Variants in PRDM10 observed in about 807,000 individuals in gnomAD.
PRDM10 encodes PR/SET domain 10.
A neutral mutation model predicts 133.1 loss-of-function variants in PRDM10; 65 were observed. That is an observed-to-expected ratio of 0.49 (90% CI 0.40 to 0.60). The LOEUF (loss-of-function observed/expected upper bound fraction) is 0.60. PRDM10 is among the 20% of genes least tolerant of loss of function. The pLI is 0.00. For synonymous variants in PRDM10, 582 were observed against 580.4 expected (o/e 1.00, Z -0.04); for missense variants, 1,137 against 1,507.1 (o/e 0.75, Z 4.07).
At chr11:129,941,552 A>G (rs1419748158) in intron 7 of PRDM10, among the ~76,000 whole-genome samples, 1 of 152,224 alleles carries the variant, frequency 6.6e-6, no homozygotes, top group African/African-American at 2.4e-5. Flanking sequence ...CGTCACAGAT[A>G]TACACGCGTT....
At chr11:129,914,503 C>G in intron 17 of PRDM10, 1 of 748,902 alleles carries the variant, frequency 1.3e-6, no homozygotes, top group Non-Finnish European at 2.3e-6. Flanking sequence ...AATTTCCTGA[C>G]TACTATAGAC....
chr11:129,914,857 G>T lies in PRDM10; in HGVS notation c.2688C>A (p.Thr896=). 1 of 1,614,112 alleles carries T rather than the reference G, an allele frequency of 6.2e-7. No homozygotes were observed. Among genetic ancestry groups the T allele is most frequent in the Non-Finnish European group, 8.5e-7 (1 of 1,180,012 alleles). ...GETVVTTDLL[T]QAMTELSQTL... The stretch of plus-strand genomic sequence containing the variant: ...TCTGGGACAGTTCTGTCATTGCTTG[G>T]GTGAGCAGGTCCGTCGTCACCACAG... The change falls in exon 17 of 21, where the codon ACC becomes ACA. Residue 896 remains threonine, a synonymous_variant. Coordinates refer to ENST00000360871, the MANE Select transcript of PRDM10 (RefSeq NM_199437.2).
In PRDM10 at chr11:129,954,270, T is replaced by A. The variant is rs867934929; in HGVS notation, c.294+1242A>T. ...AAATTTTAATTTAATTTATTTATTT[T>A]TTTTTTTTTTGAGATGGAGTCTTGC... On this transcript the variant is annotated intron_variant, in intron 4 of 20. Coordinates refer to ENST00000360871, the MANE Select transcript of PRDM10 (RefSeq NM_199437.2). Among the ~76,000 whole-genome samples the A allele has an allele frequency of 9.4e-4, 142 of 151,034 alleles. 1 individual carries two copies. The highest frequency in any genetic ancestry group is 3.4e-3 in the Middle Eastern group (1 of 292).
At chr11:129,971,999 G>A (rs920373436) in intron 1 of PRDM10, among the ~76,000 whole-genome samples, 3 of 152,228 alleles carry the variant, frequency 2.0e-5, no homozygotes, top group African/African-American at 4.8e-5. Context: ...GCTAAGGCCC[G>A]GTGAGAAATC....
At chr11:129,976,524 G>T (rs577488094) in intron 1 of PRDM10, among the ~76,000 whole-genome samples, 20 of 152,312 alleles carry the variant, frequency 1.3e-4, no homozygotes, top group African/African-American at 4.8e-4. Context: ...TAAAACTTAT[G>T]TTCAGAAAAG....
intron 2 of PRDM10, among the ~76,000 whole-genome samples, chr11:129,959,929 T>C (rs1320014069): frequency 1.3e-5 from 2 of 151,322 alleles, no homozygotes; most frequent in African/African-American, 4.9e-5. Flanking sequence ...ATTTTTCTTT[T>C]TTTTTTTTTT....
chr11:129,944,711 G>A, intron 6 of PRDM10, 60 bp downstream of exon 6: 2 of 1,582,050 alleles, frequency 1.3e-6, no homozygotes, highest in Non-Finnish European at 1.7e-6. Flanking sequence ...AGTAGACAAC[G>A]CAGTGCTCCT....
rs1033144466 is a variant in PRDM10, at chr11:129,947,354, T to C, written c.311A>G (p.His104Arg). ...ATAQQASLPVHNQVLPSIESV... is the reference protein window; with the variant it reads ...ATAQQASLPVRNQVLPSIESV... ...CTCGATGGAAGGCAGCACCTGGTTATGAACTGGCAATGAGGCCTGGGCAAA... is the reference window on the plus strand; with the variant it reads ...CTCGATGGAAGGCAGCACCTGGTTACGAACTGGCAATGAGGCCTGGGCAAA... Residue 104 changes from histidine to arginine, a missense_variant, in exon 5 of 21, where the codon CAT (histidine) becomes CGT (arginine). His to Arg is a conservative substitution (Grantham distance 29, BLOSUM62 0). This residue lies in a region of PRDM10 where 635 missense variants were observed against 835.2 expected (regional missense o/e 0.76). Coordinates refer to ENST00000360871, the MANE Select transcript of PRDM10 (RefSeq NM_199437.2). The surrounding 1 kb of genome is among the most constrained non-coding windows in gnomAD (Gnocchi z 4.6). 5 of 1,614,228 alleles carry C rather than the reference T, an allele frequency of 3.1e-6. No homozygotes were observed. The South Asian group carries it at 5.5e-5, about 18-fold the overall frequency.
intron 9 of PRDM10, 99 bp downstream of exon 9, chr11:129,935,002 T>C (rs1950982680): frequency 3.9e-6 from 4 of 1,020,388 alleles, no homozygotes; most frequent in Non-Finnish European, 6.0e-6. Context: ...TACCTATCTA[T>C]ACATGACACT....
At chr11:129,971,683 G>A (rs1210674715) in intron 1 of PRDM10, among the ~76,000 whole-genome samples, 1 of 152,250 alleles carries the variant, frequency 6.6e-6, no homozygotes, top group African/African-American at 2.4e-5. Flanking sequence ...GCTAGACATA[G>A]GGTGCTGATT....
chr11:130,002,588 C>T (rs1413547158), intron 1 of PRDM10, 134 bp downstream of exon 1: 1 of 153,040 alleles, frequency 6.5e-6, no homozygotes, highest in Non-Finnish European at 1.5e-5. Flanking sequence ...CGGTTGGCCC[C>T]GGCCGGGCTC....
At chr11:129,911,136 A>AT (rs890968952) in intron 18 of PRDM10, among the ~76,000 whole-genome samples, 2 of 152,386 alleles carry the variant, frequency 1.3e-5, no homozygotes, top group African/African-American at 4.8e-5. Flanking sequence ...AAAAGCAAGC[A>AT]TAACTATGAA....
intron 4 of PRDM10, among the ~76,000 whole-genome samples, chr11:129,951,127 C>T (rs1277469816): frequency 6.6e-6 from 1 of 152,224 alleles, no homozygotes; most frequent in East Asian, 1.9e-4. Flanking sequence ...CTAGACAACA[C>T]AAACCTTAAC....
chr11:129,970,135 T>G (rs576852462), intron 1 of PRDM10, among the ~76,000 whole-genome samples: 31 of 152,368 alleles, frequency 2.0e-4, no homozygotes, highest in African/African-American at 7.2e-4. Context: ...CCATGAAATA[T>G]TAATAGCTGA....
chr11:129,954,888 G>C (rs1951667617), intron 4 of PRDM10, among the ~76,000 whole-genome samples: 1 of 151,900 alleles, frequency 6.6e-6, no homozygotes, highest in Non-Finnish European at 1.5e-5. Flanking sequence ...GCCCAGTCTG[G>C]TCTCAAACGA....
At chr11:129,927,176 CAAAAAAAAAAAAAAAAAAA>C (rs57015735) in intron 11 of PRDM10, among the ~76,000 whole-genome samples, 83 of 79,370 alleles carry the variant, frequency 1.0e-3, no homozygotes, top group African/African-American at 2.0e-3. Context: ...GACTCTGTCT[CAAAAAAAAAAAAAAAAAAA>C]AAAAAAAAAA....
At chr11:129,969,962 A>G (rs1951983664) in intron 1 of PRDM10, among the ~76,000 whole-genome samples, 1 of 152,238 alleles carries the variant, frequency 6.6e-6, no homozygotes, top group African/African-American at 2.4e-5. Flanking sequence ...TGTATAGAGA[A>G]AACACATCTT....
At chr11:129,935,332 T>C in intron 8 of PRDM10, 114 bp from the exon 9 acceptor site, 2 of 759,642 alleles carry the variant, frequency 2.6e-6, no homozygotes, top group South Asian at 1.6e-5. Flanking sequence ...AGTTCATAAC[T>C]ATATAGTATC....
At chr11:129,983,068 C>G (rs1938203367) in intron 1 of PRDM10, among the ~76,000 whole-genome samples, 1 of 152,036 alleles carries the variant, frequency 6.6e-6, no homozygotes, top group African/African-American at 2.4e-5. Context: ...CCTCCGCCCC[C>G]CAGGTTCAAG....
Sources: allele counts gnomAD v4.1 joint callset (sites outside exome capture counted in the v4.1 genomes callset), GRCh38; gene constraint gnomAD v4.1.1; regional missense constraint gnomAD v4.1.1; non-coding constraint Gnocchi (gnomAD v3.1); transcripts MANE v1.5; gene names NCBI Gene and HGNC (gene_info 2026-07-23, HGNC 2026-07-21).